The following HDAC9 variants were observed in gnomAD, a reference collection of about 807,000 sequenced individuals.
The protein encoded by HDAC9 is MEF-2 interacting transcription repressor (MITR) protein.
A neutral mutation model predicts 139.4 loss-of-function variants in HDAC9; 41 were observed. That is an observed-to-expected ratio of 0.29 (90% CI 0.23 to 0.38). The LOEUF (loss-of-function observed/expected upper bound fraction) is 0.38, where lower values mean the gene tolerates loss of function less well. Among genes scored for constraint, HDAC9 ranks in the 10% least tolerant of loss-of-function variants. HDAC9 has a pLI of 1.00. For synonymous variants in HDAC9, 517 were observed against 476.2 expected (o/e 1.09, Z -1.12); for missense variants, 1,147 against 1,297.0 (o/e 0.88, Z 1.78).
chr7:18,154,742 A>T (rs1048734789), intron 1 of HDAC9, among the ~76,000 whole-genome samples: 2 of 152,230 alleles, frequency 1.3e-5, no homozygotes, highest in Admixed American at 6.5e-5. Context: ...ACAGAATTTT[A>T]AAAAATGTAC....
intron 1 of HDAC9, among the ~76,000 whole-genome samples, chr7:18,392,319 A>T (rs200663145): frequency 8.3e-4 from 104 of 125,808 alleles, no homozygotes; most frequent in African/African-American, 2.5e-3. Flanking sequence ...TCTCTCTCAC[A>T]CACACACACA....
intron 11 of HDAC9, among the ~76,000 whole-genome samples, chr7:18,662,568 TGA>T (rs1161252201): frequency 6.6e-6 from 1 of 151,900 alleles, no homozygotes; most frequent in Admixed American, 6.6e-5. Context: ...AGGGGTTGAC[TGA>T]GATAGGAGTG....
chr7:18,941,192 C>T (rs1782004154), intron 23 of HDAC9, among the ~76,000 whole-genome samples: 1 of 151,276 alleles, frequency 6.6e-6, no homozygotes, highest in Admixed American at 6.6e-5. Context: ...TCCCTGCCTC[C>T]CTCCCGTTAT....
At chr7:18,292,241 G>T (rs1343299692) in intron 1 of HDAC9, among the ~76,000 whole-genome samples, 6 of 151,872 alleles carry the variant, frequency 4.0e-5, no homozygotes, top group Admixed American at 2.0e-4. Context: ...TCATTTTATA[G>T]AAAAGGAAAC....
intron 23 of HDAC9, among the ~76,000 whole-genome samples, chr7:18,945,910 A>ATG (rs1291182416): frequency 2.0e-5 from 3 of 151,454 alleles, no homozygotes; most frequent in Admixed American, 2.0e-4. Flanking sequence ...GGTGGTGCGC[A>ATG]CCTGTATTCC....
chr7:18,208,372 CTTTTTTTTTT>C (rs71553923), intron 2 of HDAC9, among the ~76,000 whole-genome samples: 1 of 130,554 alleles, frequency 7.7e-6, no homozygotes, highest in Admixed American at 8.0e-5. Context: ...CTGAGAGTAT[CTTTTTTTTTT>C]TTTTTTTTGA....
chr7:18,310,857 C>G (rs1019557133), intron 1 of HDAC9, among the ~76,000 whole-genome samples: 1 of 150,916 alleles, frequency 6.6e-6, no homozygotes, highest in East Asian at 1.9e-4. Flanking sequence ...CACTCTCTTA[C>G]TAAATTGCTG....
chr7:18,739,112 A>G (rs540131262), intron 13 of HDAC9, among the ~76,000 whole-genome samples: 8 of 152,332 alleles, frequency 5.3e-5, no homozygotes, highest in African/African-American at 1.4e-4. Flanking sequence ...CAGCTCCATC[A>G]GGCCATTTCA....
chr7:18,343,351 G>A (rs562721267), intron 1 of HDAC9, among the ~76,000 whole-genome samples: 2 of 151,662 alleles, frequency 1.3e-5, no homozygotes, highest in African/African-American at 4.8e-5. Flanking sequence ...TAGTAACTTG[G>A]TATTTAAAAT....
intron 24 of HDAC9, among the ~76,000 whole-genome samples, chr7:18,974,099 G>T (rs1045928430): frequency 6.6e-6 from 1 of 152,098 alleles, no homozygotes; most frequent in Admixed American, 6.5e-5. Context: ...GCAGTTGACG[G>T]TCACCCAGTA....
intron 1 of HDAC9, among the ~76,000 whole-genome samples, chr7:18,474,368 A>C (rs987623807): frequency 3.3e-5 from 5 of 152,340 alleles, no homozygotes; most frequent in Middle Eastern, 6.8e-3. Context: ...TCAGGTATCC[A>C]TCTATAGCTG....
At chr7:18,359,105 C>T (rs1220709450) in intron 1 of HDAC9, among the ~76,000 whole-genome samples, 3 of 152,296 alleles carry the variant, frequency 2.0e-5, no homozygotes, top group East Asian at 1.9e-4. Flanking sequence ...CCTGTAATCC[C>T]AGCACTTTGG....
chr7:18,138,641 C>G (rs1785646234), intron 1 of HDAC9, among the ~76,000 whole-genome samples: 1 of 151,466 alleles, frequency 6.6e-6, no homozygotes, highest in African/African-American at 2.4e-5. Flanking sequence ...CAGAGTGGGG[C>G]AGGCTGCAAC....
intron 12 of HDAC9, among the ~76,000 whole-genome samples, chr7:18,689,699 G>C (rs1782535482): frequency 6.6e-6 from 1 of 151,866 alleles, no homozygotes; most frequent in African/African-American, 2.4e-5. Context: ...GGTCCATTTT[G>C]GGCTTACGGC....
intron 25 of HDAC9, among the ~76,000 whole-genome samples, chr7:18,986,712 A>G (rs1331621179): frequency 1.3e-5 from 2 of 152,168 alleles, no homozygotes; most frequent in African/African-American, 2.4e-5. Context: ...AGCATGGAAT[A>G]TTCTCCCATT....
intron 16 of HDAC9, among the ~76,000 whole-genome samples, chr7:18,787,869 G>T (rs1791953110): frequency 6.6e-6 from 1 of 152,096 alleles, no homozygotes; most frequent in Admixed American, 6.5e-5. Context: ...TAATCTATCA[G>T]CCTCTTCCAG....
chr7:18,996,210 T>G lies in HDAC9; in HGVS notation c.*148T>G, dbSNP rs1348432342. On this transcript the variant is annotated 3_prime_UTR_variant, in exon 26 of 26. Transcript: ENST00000686413. ...TGGGCACAAAATTCTGAACAGCAGC[T>G]TCACTTGTTCTTTGGATGGACTTGA... 3.0e-5 allele frequency: 17 copies of G among 558,792 alleles called. No homozygotes were observed. The highest frequency in any genetic ancestry group is 5.5e-5 in the Non-Finnish European group (17 of 310,358). The allele number at this position is 558,792 out of a possible 1,614,324, so 34.6% of individuals were successfully genotyped here. A position where few individuals can be genotyped will look rare whatever the true frequency, so the allele number is the denominator to read the frequency against.
At chr7:18,298,925 G>A (rs1211334737) in intron 1 of HDAC9, among the ~76,000 whole-genome samples, 2 of 152,138 alleles carry the variant, frequency 1.3e-5, no homozygotes, top group Non-Finnish European at 2.9e-5. Flanking sequence ...CCAGTAAGTA[G>A]GAGGGAAAGT....
intron 11 of HDAC9, 141 bp from the exon 12 acceptor site, chr7:18,666,071 TG>T: frequency 1.2e-6 from 1 of 852,564 alleles, no homozygotes; most frequent in Non-Finnish European, 1.8e-6. Flanking sequence ...TGAGGAAACT[TG>T]TTGCCTACAA....
Sources: gnomAD v4.1 joint callset for allele counts (sites outside exome capture counted in the v4.1 genomes callset) on GRCh38, gnomAD v4.1.1 for gene constraint, MANE v1.5 for transcripts, NCBI Gene and HGNC (gene_info 2026-07-23, HGNC 2026-07-21) for gene names.